The following CIPC variants were observed in gnomAD, a reference collection of about 807,000 sequenced individuals.
CIPC encodes CLOCK interacting pacemaker.
A neutral mutation model predicts 26.7 loss-of-function variants in CIPC; 12 were observed. The observed-to-expected ratio is 0.45, with a 90% CI of 0.29 to 0.73. The LOEUF (loss-of-function observed/expected upper bound fraction) is 0.73, where lower values mean the gene tolerates loss of function less well. Ranked by LOEUF, CIPC falls within the 30% of genes least tolerant of loss-of-function variation. The pLI is 0.12. For missense variants in CIPC, 417 were observed against 486.5 expected, an observed-to-expected ratio of 0.86 and a Z score of 1.34; for synonymous variants, 170 against 189.8, an observed-to-expected ratio of 0.90 and a Z score of 0.86.
intron 1 of CIPC, among the ~76,000 whole-genome samples, chr14:77,102,825 G>A (rs1224178035): frequency 1.3e-5 from 2 of 152,180 alleles, no homozygotes; most frequent in Admixed American, 6.5e-5. Flanking sequence ...CCATTTTGGA[G>A]ATGGCTTCTA....
chr14:77,114,458 C>G lies in CIPC; in HGVS notation c.*140C>G. 1.2e-6 allele frequency: 1 copy of G among 832,340 alleles called. No homozygotes were observed. Among genetic ancestry groups the G allele is most frequent in the East Asian group, 2.6e-5 (1 of 39,064 alleles). The allele number at this position is 832,340 out of a possible 1,614,324, so 51.6% of individuals were successfully genotyped here. A position where few individuals can be genotyped will look rare whatever the true frequency, so the allele number is the denominator to read the frequency against. On this transcript the variant is annotated 3_prime_UTR_variant, in exon 4 of 4. Coordinates refer to ENST00000361786, the MANE Select transcript of CIPC (RefSeq NM_033426.3). ...GTGGTTCACTTAGGAAGCCACGTGCCAATACCTGGCTGCTGTCTTAACTCG... is the reference window on the plus strand; with the variant it reads ...GTGGTTCACTTAGGAAGCCACGTGCGAATACCTGGCTGCTGTCTTAACTCG...
At position 77,115,793 on chromosome 14, in the gene CIPC, C is replaced by T. The variant is rs1419296423; in HGVS notation, c.*1475C>T. ...CTCCGCCTCCTGGGTTCAAGTGATT[C>T]TCCTGCCACAGCCTCCCAAGTAGCT... is the stretch of plus-strand genomic sequence containing the variant. On this transcript the variant is annotated 3_prime_UTR_variant, in exon 4 of 4. Transcript: ENST00000361786. 6 of 151,508 alleles carry T rather than the reference C, an allele frequency of 4.0e-5. No individual in the cohort carries two copies. The highest frequency in any genetic ancestry group is 7.3e-5 in the Non-Finnish European group (5 of 68,042). The allele number at this position is 151,508 out of a possible 1,614,324, so 9.4% of individuals were successfully genotyped here. A position where few individuals can be genotyped will look rare whatever the true frequency, so the allele number is the denominator to read the frequency against.
chr14:77,106,395 T>G (rs1305160747), intron 2 of CIPC, among the ~76,000 whole-genome samples: 1 of 152,234 alleles, frequency 6.6e-6, no homozygotes, highest in East Asian at 1.9e-4. Context: ...AACTTGAGTA[T>G]CTATTAGAGA....
rs1163903295 is a variant in CIPC, at chr14:77,114,165, A to G, written c.1047A>G (p.Glu349=). The G allele has an allele frequency of 1.2e-6, 2 of 1,614,054 alleles. No individual in the cohort carries two copies. Among genetic ancestry groups the G allele is most frequent in the African/African-American group, 2.7e-5 (2 of 74,934 alleles). The part of the protein sequence containing the change: ...LIRQNQATQV[E]LDQLKEQTQL... ...GTCAGAATCAGGCAACTCAGGTAGA[A>G]CTAGACCAGCTAAAGGAGCAAACCC... The change falls in exon 4 of 4, where the codon GAA becomes GAG. Residue 349 remains glutamate (E), a synonymous_variant. Coordinates refer to ENST00000361786, the MANE Select transcript of CIPC (RefSeq NM_033426.3).
At chr14:77,099,399 T>C (rs1886429940) in intron 1 of CIPC, among the ~76,000 whole-genome samples, 1 of 152,058 alleles carries the variant, frequency 6.6e-6, no homozygotes, top group Non-Finnish European at 1.5e-5. Flanking sequence ...GAAGGGAAGA[T>C]GAATATTAGA....
intron 3 of CIPC, among the ~76,000 whole-genome samples, chr14:77,112,755 G>A (rs1886729551): frequency 6.6e-6 from 1 of 151,140 alleles, no homozygotes. Context: ...CTGTCACTCA[G>A]GCTGGAGTGC....
chr14:77,105,698 C>G lies in CIPC; in HGVS notation c.-11C>G. On this transcript the variant is annotated 5_prime_UTR_variant, in exon 2 of 4. Transcript: ENST00000361786. ...AGAGTACCAATGAATCTGCCTCCAG[C>G]TGAATAAACCATGGAGAGGAAAAAC... The G allele has an allele frequency of 6.2e-7, 1 of 1,612,148 alleles. No individual in the cohort carries two copies. Among genetic ancestry groups the G allele is most frequent in the East Asian group, 2.2e-5 (1 of 44,854 alleles).
At chr14:77,109,012 C>G (rs972834241) in intron 2 of CIPC, among the ~76,000 whole-genome samples, 19 of 152,148 alleles carry the variant, frequency 1.2e-4, no homozygotes, top group African/African-American at 4.6e-4. Context: ...CTGTCAAAGT[C>G]TTGGAATCAG....
intron 2 of CIPC, among the ~76,000 whole-genome samples, chr14:77,109,368 G>GT (rs1183788019): frequency 1.3e-5 from 2 of 152,194 alleles, no homozygotes; most frequent in South Asian, 2.1e-4. Context: ...GATTGGTTTT[G>GT]TTTTTTTAAT....
At chr14:77,098,951 G>C (rs182924609) in intron 1 of CIPC, among the ~76,000 whole-genome samples, 159 of 152,374 alleles carry the variant, frequency 1.0e-3, no homozygotes, top group African/African-American at 3.7e-3. Flanking sequence ...AAGGAGTTAA[G>C]TGGTTAGTGG....
In CIPC at chr14:77,115,793, C is replaced by A. The variant is rs1419296423; in HGVS notation, c.*1475C>A. 6.6e-6 allele frequency: 1 copy of A among 151,508 alleles called. No homozygotes were observed. Among genetic ancestry groups the A allele is most frequent in the Non-Finnish European group, 1.5e-5 (1 of 68,042 alleles). The allele number at this position is 151,508 out of a possible 1,614,324, so 9.4% of individuals were successfully genotyped here. A position where few individuals can be genotyped will look rare whatever the true frequency, so the allele number is the denominator to read the frequency against. On this transcript the variant is annotated 3_prime_UTR_variant, in exon 4 of 4. Coordinates refer to ENST00000361786, the MANE Select transcript of CIPC (RefSeq NM_033426.3). Reference sequence around the variant, plus strand: ...CTCCGCCTCCTGGGTTCAAGTGATTCTCCTGCCACAGCCTCCCAAGTAGCT... The same window carrying A: ...CTCCGCCTCCTGGGTTCAAGTGATTATCCTGCCACAGCCTCCCAAGTAGCT...
At chr14:77,099,939 A>G (rs1273385022) in intron 1 of CIPC, 2 of 152,218 alleles carry the variant, frequency 1.3e-5, no homozygotes, top group Admixed American at 1.3e-4. Flanking sequence ...GAAATGCAGA[A>G]TCTTGACCTT....
At position 77,113,698 on chromosome 14, in the gene CIPC, G is replaced by C; in HGVS notation, c.580G>C (p.Gly194Arg). The change falls in exon 4 of 4, where the codon GGG becomes CGG. Residue 194 changes from glycine (G) to arginine (R), a missense_variant. Gly to Arg is a moderately radical substitution (Grantham distance 125). Coordinates refer to ENST00000361786, the MANE Select transcript of CIPC (RefSeq NM_033426.3). The stretch of plus-strand genomic sequence containing the variant: ...GAAGAAAATCTGTACTGAGAGACTT[G>C]GGCCTAGCTTGTCTTCCAGTGAGCC... ...VQKKICTERL[G>R]PSLSSSEPTK... is the part of the protein sequence containing the mutation. The C allele has an allele frequency of 6.2e-7, 1 of 1,612,726 alleles. No homozygotes were observed. Among genetic ancestry groups the C allele is most frequent in the Non-Finnish European group, 8.5e-7 (1 of 1,179,164 alleles).
chr14:77,113,800 C>G lies in CIPC; in HGVS notation c.682C>G (p.Leu228Val). 1 of 1,614,200 alleles carries G rather than the reference C, an allele frequency of 6.2e-7. No individual in the cohort carries two copies. Among genetic ancestry groups the G allele is most frequent in the South Asian group, 1.1e-5 (1 of 91,078 alleles). ...CGCCAAACTTGCCGAGGACTCAGCT[C>G]TGCAGGGTGTGCCCTCTCTGGTGGC... ...PSAKLAEDSA[L>V]QGVPSLVAGG... The change falls in exon 4 of 4, where the codon CTG becomes GTG. Residue 228 changes from leucine (L) to valine (V), a missense_variant. Transcript: ENST00000361786.
intron 1 of CIPC, among the ~76,000 whole-genome samples, chr14:77,100,645 C>A (rs1259108316): frequency 1.3e-5 from 2 of 151,850 alleles, no homozygotes; most frequent in African/African-American, 4.8e-5. Flanking sequence ...TCTCGGCTCA[C>A]TGCAACTCCA....
chr14:77,105,125 C>G (rs939213411), intron 1 of CIPC, among the ~76,000 whole-genome samples: 2 of 152,162 alleles, frequency 1.3e-5, no homozygotes, highest in African/African-American at 4.8e-5. Flanking sequence ...GCTCTCTGTT[C>G]AATACCTCAG....
chr14:77,102,080 A>G (rs1886499113), intron 1 of CIPC, among the ~76,000 whole-genome samples: 1 of 138,948 alleles, frequency 7.2e-6, no homozygotes, highest in African/African-American at 2.5e-5. Context: ...CGTGTGATCC[A>G]TCTATAAATA....
chr14:77,105,271 C>T (rs1886569601), intron 1 of CIPC, among the ~76,000 whole-genome samples: 1 of 152,162 alleles, frequency 6.6e-6, no homozygotes, highest in Admixed American at 6.5e-5. Flanking sequence ...CTCTCCCCCT[C>T]CTTCTGCCCT....
intron 2 of CIPC, among the ~76,000 whole-genome samples, chr14:77,106,903 C>T (rs1672975915): frequency 6.6e-6 from 1 of 152,148 alleles, no homozygotes; most frequent in Non-Finnish European, 1.5e-5. Flanking sequence ...GCGGGCCAAC[C>T]TTCCCTTTGG....
Sources: allele counts gnomAD v4.1 joint callset (sites outside exome capture counted in the v4.1 genomes callset), GRCh38; gene constraint gnomAD v4.1.1; transcripts MANE v1.5; gene names NCBI Gene and HGNC (gene_info 2026-07-23, HGNC 2026-07-21).